QKI: variants seen among roughly 807,000 people sequenced by gnomAD.
QKI encodes the protein KH domain-containing RNA-binding protein QKI.
QKI carries 10 observed loss-of-function variants against 39.0 expected under a neutral mutation model. The observed-to-expected ratio is 0.26, with a 90% CI of 0.16 to 0.43. The LOEUF (loss-of-function observed/expected upper bound fraction) is 0.43, where lower values mean the gene tolerates loss of function less well. QKI is among the 20% of genes least tolerant of loss of function. QKI has a pLI of 1.00. For missense variants in QKI, 218 were observed against 428.0 expected, an observed-to-expected ratio of 0.51 and a Z score of 4.33; for synonymous variants, 204 against 155.4, an observed-to-expected ratio of 1.31 and a Z score of -2.33.
chr6:163,483,414 A>C (rs372286801), intron 3 of QKI, among the ~76,000 whole-genome samples: 5 of 152,222 alleles, frequency 3.3e-5, no homozygotes, highest in African/African-American at 9.6e-5. Context: ...TGTCTCTAGC[A>C]TGCAGTGCTT....
chr6:163,437,270 T>G (rs926235222), intron 1 of QKI, among the ~76,000 whole-genome samples: 2 of 152,222 alleles, frequency 1.3e-5, no homozygotes, highest in African/African-American at 4.8e-5. Flanking sequence ...AAGCTATATA[T>G]GTATATAATT....
At chr6:163,539,400 T>C (rs574011218) in intron 4 of QKI, among the ~76,000 whole-genome samples, 93 of 152,282 alleles carry the variant, frequency 6.1e-4, no homozygotes, top group African/African-American at 2.2e-3. Context: ...CCGGGATTTT[T>C]TCCCTCTTCA....
intron 1 of QKI, among the ~76,000 whole-genome samples, chr6:163,437,440 T>C (rs1426208676): frequency 6.6e-6 from 1 of 152,214 alleles, no homozygotes; most frequent in Non-Finnish European, 1.5e-5. Context: ...TTCCCATAGA[T>C]ACTGGTGGTG....
At chr6:163,454,871 G>A (rs964286721) in intron 1 of QKI, among the ~76,000 whole-genome samples, 12 of 152,130 alleles carry the variant, frequency 7.9e-5, no homozygotes, top group Non-Finnish European at 8.8e-5. Flanking sequence ...GGACAAATTA[G>A]TTCTGAAGTA....
chr6:163,419,260 T>C (rs555875189), intron 1 of QKI, among the ~76,000 whole-genome samples: 1 of 152,112 alleles, frequency 6.6e-6, no homozygotes, highest in Non-Finnish European at 1.5e-5. Flanking sequence ...TTTTCACTTC[T>C]TCTGCCTCTG....
At chr6:163,534,573 T>C (rs548083143) in intron 3 of QKI, among the ~76,000 whole-genome samples, 13 of 152,236 alleles carry the variant, frequency 8.5e-5, no homozygotes, top group South Asian at 2.1e-4. Flanking sequence ...CTTGATGACC[T>C]TCTGTTTACT....
At chr6:163,567,124 C>A in intron 7 of QKI, 2 of 1,022,250 alleles carry the variant, frequency 2.0e-6, no homozygotes, top group East Asian at 1.9e-4. Context: ...CTAAAATTTA[C>A]CTTTTAAAAG....
chr6:163,574,560 G>A lies in QKI; in HGVS notation c.*3850G>A, dbSNP rs1783877114. ...GTCAGACTAAAACATTAAACAAGAA[G>A]TTTAAGGGGGAATAACATTGGGATT... On this transcript the variant is annotated 3_prime_UTR_variant, in exon 8 of 8. Coordinates refer to ENST00000361752, the MANE Select transcript of QKI (RefSeq NM_006775.3). 6.6e-6 allele frequency: 1 copy of A among 152,178 alleles called. No homozygotes were observed. The highest frequency in any genetic ancestry group is 1.5e-5 in the Non-Finnish European group (1 of 68,032). 9.4% of individuals were successfully genotyped at this position (152,178 alleles called of 1,614,324 possible). A position where few individuals can be genotyped will look rare whatever the true frequency, so the allele number is the denominator to read the frequency against.
chr6:163,568,432 G>T (rs1783505459), intron 7 of QKI: 2 of 985,272 alleles, frequency 2.0e-6, no homozygotes, highest in Non-Finnish European at 2.4e-6. Flanking sequence ...ATCTTTTGTA[G>T]TTACGTGTTT....
chr6:163,481,234 T>C (rs1308531655), intron 3 of QKI, among the ~76,000 whole-genome samples: 4 of 138,170 alleles, frequency 2.9e-5, no homozygotes. Flanking sequence ...TATATAGACA[T>C]GTGTGTATAT....
intron 3 of QKI, among the ~76,000 whole-genome samples, chr6:163,504,491 C>T (rs920602993): frequency 2.6e-5 from 4 of 152,080 alleles, no homozygotes; most frequent in Admixed American, 6.6e-5. Context: ...AATCCATGAG[C>T]GTGGGATGTT....
chr6:163,427,431 A>G (rs1021174405), intron 1 of QKI, among the ~76,000 whole-genome samples: 1 of 152,098 alleles, frequency 6.6e-6, no homozygotes, highest in East Asian at 1.9e-4. Context: ...GTTACCAATA[A>G]TATAGCCAGT....
At chr6:163,566,659 A>C in intron 6 of QKI, 62 bp from the exon 7 acceptor site, 1 of 1,591,924 alleles carries the variant, frequency 6.3e-7, no homozygotes, top group Admixed American at 1.7e-5. Context: ...ACCTGCTGTT[A>C]ATGTTTTTTC....
At chr6:163,565,887 G>T (rs1472169069) in intron 6 of QKI, 2 of 1,608,782 alleles carry the variant, frequency 1.2e-6, no homozygotes, top group East Asian at 2.2e-5. Flanking sequence ...GAGGAGATTG[G>T]TATTAGCATC....
chr6:163,508,032 A>G (rs1583123766), intron 3 of QKI, among the ~76,000 whole-genome samples: 1 of 152,222 alleles, frequency 6.6e-6, no homozygotes, highest in East Asian at 1.9e-4. Context: ...GAAATAAAAA[A>G]TTCACTAGAT....
chr6:163,457,125 T>C (rs774702323), intron 2 of QKI, among the ~76,000 whole-genome samples: 3 of 152,192 alleles, frequency 2.0e-5, no homozygotes, highest in Non-Finnish European at 4.4e-5. Flanking sequence ...GGATAGCAAC[T>C]GTCTGTTTTG....
At position 163,484,385 on chromosome 6, in the gene QKI, G is replaced by T. The variant is rs1302760968; in HGVS notation, c.402+5489G>T. ...CAGCTAATTTTTTGTATTTTTAGTA[G>T]AGATGCGGTTTTGCCGTGTTGGCCA... On this transcript the variant is annotated intron_variant, in intron 3 of 7. Transcript: ENST00000361752. Among the ~76,000 whole-genome samples the T allele has an allele frequency of 2.0e-5, 3 of 152,140 alleles. No individual in the cohort carries two copies. In the East Asian group the frequency reaches 5.8e-4, roughly 29 times the overall value.
intron 3 of QKI, among the ~76,000 whole-genome samples, chr6:163,510,902 G>A (rs886463451): frequency 1.3e-5 from 2 of 152,064 alleles, no homozygotes; most frequent in East Asian, 1.9e-4. Flanking sequence ...CAGAAGATTT[G>A]AAATTTATTA....
At chr6:163,423,477 C>CA (rs1342718307) in intron 1 of QKI, 1 of 152,170 alleles carries the variant, frequency 6.6e-6, no homozygotes, top group East Asian at 1.9e-4. Context: ...GCAAGACACT[C>CA]ACTTCTGCCC....
Sources: allele counts gnomAD v4.1 joint callset (sites outside exome capture counted in the v4.1 genomes callset), GRCh38; gene constraint gnomAD v4.1.1; transcripts MANE v1.5; gene names NCBI Gene and HGNC (gene_info 2026-07-23, HGNC 2026-07-21).